Variants in ZFP92 observed in about 807,000 individuals in gnomAD.
The protein encoded by ZFP92 is ZFP92 zinc finger protein, also known as zinc finger protein 92 homolog.
ZFP92 carries 2 observed loss-of-function variants against 7.6 expected under a neutral mutation model. The observed-to-expected ratio is 0.26, with a 90% confidence interval of 0.11 to 0.83. The LOEUF is 0.83. Among genes scored for constraint, ZFP92 ranks in the 40% least tolerant of loss-of-function variants. The probability of loss-of-function intolerance (pLI) is 0.65; values close to 1 mark genes in which losing one functional copy is unlikely to be tolerated. For synonymous variants in ZFP92, 226 were observed against 183.6 expected (o/e 1.23, Z -1.87); for missense variants, 324 against 408.3 (o/e 0.79, Z 1.78).
intron 2 of ZFP92, among the ~76,000 whole-genome samples, chrX:153,413,903 C>T (rs1317793114): frequency 5.3e-5 from 6 of 112,441 alleles, no homozygotes; most frequent in Admixed American, 3.7e-4. Context: ...CCAGCACCTC[C>T]GCTGGGTCTT....
rs1479748079 is a variant in ZFP92, at chrX:153,420,221, C to T, written c.161-7C>T. 7.8e-6 allele frequency: 9 copies of T among 1,161,083 alleles called. No individual in the cohort carries two copies. The highest frequency in any genetic ancestry group is 3.6e-5 in the African/African-American group (2 of 55,547). ...TGGTCTTGACCTGCTTCATATTCCACGCCCAGGATTTTCCTTCTCCAAGCC... is the reference window on the plus strand; with the variant it reads ...TGGTCTTGACCTGCTTCATATTCCATGCCCAGGATTTTCCTTCTCCAAGCC... On this transcript the variant is annotated splice_region_variant and splice_polypyrimidine_tract_variant and intron_variant, in intron 4 of 5. Coordinates refer to ENST00000338647, the MANE Select transcript of ZFP92 (RefSeq NM_001136273.2).
intron 2 of ZFP92, among the ~76,000 whole-genome samples, chrX:153,416,531 C>T (rs1315473650): frequency 9.0e-6 from 1 of 111,419 alleles, no homozygotes; most frequent in Admixed American, 9.5e-5. Flanking sequence ...GGATCCTGTG[C>T]CCTCTCCCTC....
In ZFP92 at chrX:153,418,264, G is replaced by A. The variant is rs782179055; in HGVS notation, c.-18-41G>A. 8 of 1,160,734 alleles carry A rather than the reference G, an allele frequency of 6.9e-6. No individual in the cohort carries two copies. In the Admixed American group the frequency reaches 1.3e-4, roughly 19 times the overall value. The stretch of plus-strand genomic sequence containing the variant: ...GCAGGTCGCAGATTGGCTGCTCCAG[G>A]CTGCCCTGGGCTCACAGGGGGCTCT... On this transcript the variant is annotated intron_variant, in intron 2 of 5. Transcript: ENST00000338647.
At chrX:153,420,610 A>G in intron 5 of ZFP92, 33 bp from the exon 6 acceptor site, 1 of 1,101,157 alleles carries the variant, frequency 9.1e-7, no homozygotes. Context: ...ACTTGGCATG[A>G]GGGTGACACT....
rs1556975716 is a variant in ZFP92, at chrX:153,423,063, C to G, written c.*1435C>G. On this transcript the variant is annotated 3_prime_UTR_variant, in exon 6 of 6. Coordinates refer to ENST00000338647, the MANE Select transcript of ZFP92 (RefSeq NM_001136273.2). ...AAGGGGAATTCTCAAGGAAAAGTCT[C>G]AGGGCTGGCAGAGGCAGCTGCTGGC... 1 of 112,402 alleles carries G rather than the reference C, an allele frequency of 8.9e-6. No individual in the cohort carries two copies. Among genetic ancestry groups the G allele is most frequent in the African/African-American group, 3.2e-5 (1 of 30,799 alleles). The allele number at this position is 112,402 out of a possible 1,213,427, so 9.3% of individuals were successfully genotyped here. A position where few individuals can be genotyped will look rare whatever the true frequency, so the allele number is the denominator to read the frequency against.
chrX:153,416,863 C>G (rs2088956090), intron 2 of ZFP92, among the ~76,000 whole-genome samples: 1 of 111,633 alleles, frequency 9.0e-6, no homozygotes. Flanking sequence ...GGGTGGGAGT[C>G]TAAGGGGAGC....
rs782006809 is a variant in ZFP92 at position 153,418,388 on chromosome X, C to G, written c.33+33C>G. 1.5e-5 allele frequency: 18 copies of G among 1,161,413 alleles called. No homozygotes were observed. In the Admixed American group the frequency reaches 1.8e-4, roughly 12 times the overall value. ...GTGGCCCCTCTCCCTGGCCTCTCCC[C>G]CTGGCAGCCCCCGTCTGCTGCCTCC... On this transcript the variant is annotated intron_variant, in intron 3 of 5. Coordinates refer to ENST00000338647, the MANE Select transcript of ZFP92 (RefSeq NM_001136273.2).
chrX:153,424,099 G>A lies in ZFP92; in HGVS notation c.*2471G>A, dbSNP rs182227272. The A allele has an allele frequency of 6.2e-5, 7 of 112,318 alleles. No homozygotes were observed. The highest frequency in any genetic ancestry group is 7.4e-4 in the South Asian group (2 of 2,710). The allele number at this position is 112,318 out of a possible 1,213,427, so 9.3% of individuals were successfully genotyped here. A position where few individuals can be genotyped will look rare whatever the true frequency, so the allele number is the denominator to read the frequency against. On this transcript the variant is annotated 3_prime_UTR_variant, in exon 6 of 6. Transcript: ENST00000338647. Reference sequence around the variant, plus strand: ...TGCATAAGTGAACCCTGTTTTTAACGGAAGCTCCTTTTTTTTCACCTCAGG... The same window carrying A: ...TGCATAAGTGAACCCTGTTTTTAACAGAAGCTCCTTTTTTTTCACCTCAGG...
At chrX:153,420,132 T>G in intron 4 of ZFP92, 96 bp from the exon 5 acceptor site, 2 of 662,662 alleles carry the variant, frequency 3.0e-6, no homozygotes, top group Non-Finnish European at 4.5e-6. Flanking sequence ...AGTTCTTTAT[T>G]CTCTGTTACC....
chrX:153,421,598 C>T lies in ZFP92; in HGVS notation c.1221C>T (p.Ala407=), dbSNP rs1556975301. Residue 407 remains alanine, a synonymous_variant, in exon 6 of 6, where the codon GCC becomes GCT. Transcript: ENST00000338647. ...CCAGCCCCCCGCGGCCGAGCACAGCCGCCAGGCCTTCCAGGCCCAGCCGCC... is the reference window on the plus strand; with the variant it reads ...CCAGCCCCCCGCGGCCGAGCACAGCTGCCAGGCCTTCCAGGCCCAGCCGCC... ...AATSPPRPST[A]ARPSRPSRR is the part of the protein sequence containing the mutation. 24 of 1,014,064 alleles carry T rather than the reference C, an allele frequency of 2.4e-5. No homozygotes were observed. The highest frequency in any genetic ancestry group is 3.0e-5 in the Non-Finnish European group (24 of 803,976). 83.6% of individuals were successfully genotyped at this position (1,014,064 alleles called of 1,213,427 possible).
intron 3 of ZFP92, 81 bp downstream of exon 3, chrX:153,418,436 G>A: frequency 9.0e-7 from 1 of 1,114,435 alleles, no homozygotes; most frequent in Non-Finnish European, 1.2e-6. Flanking sequence ...CTCTCCAGCT[G>A]GGCTGAGCTT....
At chrX:153,412,203 T>C (rs1315741946) in intron 2 of ZFP92, among the ~76,000 whole-genome samples, 190 bp downstream of exon 2, 1 of 112,164 alleles carries the variant, frequency 8.9e-6, no homozygotes, top group African/African-American at 3.2e-5. Context: ...ACCAGGTGAC[T>C]GGCATGCCAC....
rs1192780056 is a variant in ZFP92, at chrX:153,420,829, G to A, written c.452G>A (p.Arg151Gln). Reference protein sequence around the residue: ...GPQGPKGAEKRYLCQQCGKAF... With the variant: ...GPQGPKGAEKQYLCQQCGKAF... ...CAGGGCCCCAAAGGCGCGGAGAAGCGGTACCTGTGCCAGCAGTGTGGGAAG... is the reference window on the plus strand; with the variant it reads ...CAGGGCCCCAAAGGCGCGGAGAAGCAGTACCTGTGCCAGCAGTGTGGGAAG... Residue 151 changes from arginine to glutamine, a missense_variant, in exon 6 of 6, where the codon CGG (arginine) becomes CAG (glutamine). Arg to Gln is a conservative substitution (Grantham distance 43). Transcript: ENST00000338647. 4 of 1,173,866 alleles carry A rather than the reference G, an allele frequency of 3.4e-6. No individual in the cohort carries two copies. In the Admixed American group the frequency reaches 1.0e-4, roughly 30 times the overall value.
At position 153,425,016 on chromosome X, in the gene ZFP92, G is replaced by A. The variant is rs1400209209; in HGVS notation, c.*3388G>A. On this transcript the variant is annotated 3_prime_UTR_variant, in exon 6 of 6. Transcript: ENST00000338647. ...AGGCATTCTGGGTGAGCTGCCTCGG[G>A]TCAGCCCAGGGGTGCAGGCTCCTCT... 2.7e-5 allele frequency: 3 copies of A among 112,435 alleles called. No homozygotes were observed. Among genetic ancestry groups the A allele is most frequent in the Non-Finnish European group, 5.6e-5 (3 of 53,256 alleles). 9.3% of individuals were successfully genotyped at this position (112,435 alleles called of 1,213,427 possible).
intron 2 of ZFP92, among the ~76,000 whole-genome samples, chrX:153,415,444 C>T (rs912089092): frequency 9.8e-5 from 11 of 112,164 alleles, no homozygotes; most frequent in African/African-American, 2.9e-4. Flanking sequence ...CTTTCTATGG[C>T]CAAATACTTT....
chrX:153,415,188 G>C (rs1022219327), intron 2 of ZFP92, among the ~76,000 whole-genome samples: 5 of 113,094 alleles, frequency 4.4e-5, no homozygotes, highest in Non-Finnish European at 9.4e-5. Flanking sequence ...GGTGGCCCCA[G>C]AGAGAGGGAA....
At chrX:153,419,015 G>C (rs1602895425) in intron 4 of ZFP92, among the ~76,000 whole-genome samples, 1 of 112,745 alleles carries the variant, frequency 8.9e-6, no homozygotes, top group Non-Finnish European at 1.9e-5. Context: ...AATGTTTTAG[G>C]TAAATGCGTT....
At chrX:153,413,701 T>G (rs1205392213) in intron 2 of ZFP92, among the ~76,000 whole-genome samples, 2 of 111,830 alleles carry the variant, frequency 1.8e-5, no homozygotes, top group African/African-American at 6.5e-5. Flanking sequence ...AAGAAGCTGC[T>G]CTCTAGTTCC....
At chrX:153,413,900 C>G (rs1352066343) in intron 2 of ZFP92, among the ~76,000 whole-genome samples, 7 of 112,412 alleles carry the variant, frequency 6.2e-5, no homozygotes, top group Non-Finnish European at 9.4e-5. Context: ...TGGCCAGCAC[C>G]TCCGCTGGGT....
Sources: gnomAD v4.1 joint callset for allele counts (sites outside exome capture counted in the v4.1 genomes callset) on GRCh38, gnomAD v4.1.1 for gene constraint, MANE v1.5 for transcripts, NCBI Gene and HGNC (gene_info 2026-07-23, HGNC 2026-07-21) for gene names.